Variants in MSRA observed in about 807,000 individuals in gnomAD.
MSRA encodes the protein mitochondrial peptide methionine sulfoxide reductase.
In MSRA, 54 loss-of-function variants were observed where a neutral mutation model predicts 31.3. That is an observed-to-expected ratio of 1.73 (90% CI 1.39 to 2.17). The LOEUF (loss-of-function observed/expected upper bound fraction) is 2.17. MSRA is among the 30% of genes most tolerant of loss of function. The probability of loss-of-function intolerance (pLI) is 0.00; values close to 1 mark genes in which losing one functional copy is unlikely to be tolerated. For synonymous variants in MSRA, 169 were observed against 116.5 expected, an observed-to-expected ratio of 1.45 and a Z score of -2.90; for missense variants, 507 against 300.9, an observed-to-expected ratio of 1.69 and a Z score of -5.07.
At chr8:10,270,527 C>G (rs1054197810) in intron 3 of MSRA, among the ~76,000 whole-genome samples, 2 of 152,080 alleles carry the variant, frequency 1.3e-5, no homozygotes, top group African/African-American at 4.8e-5. Flanking sequence ...AGCTTGACAG[C>G]AGTCATGCCC....
intron 1 of MSRA, among the ~76,000 whole-genome samples, chr8:10,196,507 C>G (rs1274235827): frequency 6.6e-6 from 1 of 152,072 alleles, no homozygotes. Flanking sequence ...AGCGAGGCCC[C>G]TACACGTCTT....
At chr8:10,161,432 A>G (rs970061105) in intron 1 of MSRA, among the ~76,000 whole-genome samples, 2 of 152,314 alleles carry the variant, frequency 1.3e-5, no homozygotes, top group East Asian at 3.9e-4. Context: ...TACCCTGTGC[A>G]AAGGCCCAAC....
intron 5 of MSRA, among the ~76,000 whole-genome samples, chr8:10,376,977 T>C (rs190679898): frequency 7.2e-5 from 11 of 152,324 alleles, no homozygotes; most frequent in African/African-American, 2.6e-4. Context: ...GACTGAATGT[T>C]AGCCCAGATT....
At chr8:10,055,040 C>G (rs551126316) in intron 1 of MSRA, among the ~76,000 whole-genome samples, 1 of 152,232 alleles carries the variant, frequency 6.6e-6, no homozygotes, top group Admixed American at 6.5e-5. Flanking sequence ...CTTGTCTCCT[C>G]TGCGCCGGCC....
intron 5 of MSRA, among the ~76,000 whole-genome samples, chr8:10,358,651 G>C (rs1235367916): frequency 7.8e-6 from 1 of 128,318 alleles, no homozygotes; most frequent in Non-Finnish European, 1.6e-5. Context: ...GGAGTGCAGT[G>C]GCGGGATCTC....
intron 1 of MSRA, among the ~76,000 whole-genome samples, chr8:10,116,744 G>C (rs944825133): frequency 1.3e-5 from 2 of 152,140 alleles, no homozygotes; most frequent in East Asian, 1.9e-4. Context: ...GAGGCAGGCG[G>C]ATCACCTGAG....
intron 5 of MSRA, among the ~76,000 whole-genome samples, chr8:10,362,173 C>T (rs1049863411): frequency 6.6e-6 from 1 of 152,150 alleles, no homozygotes; most frequent in Admixed American, 6.5e-5. Context: ...AAAATCTCTG[C>T]ACCACTGAGT....
intron 1 of MSRA, among the ~76,000 whole-genome samples, chr8:10,173,960 C>A (rs1805822320): frequency 2.0e-5 from 3 of 152,170 alleles, no homozygotes. Flanking sequence ...TCAGCATCCA[C>A]ATTGAGGTGG....
At chr8:10,319,270 C>G (rs187068461) in intron 4 of MSRA, among the ~76,000 whole-genome samples, 1 of 152,128 alleles carries the variant, frequency 6.6e-6, no homozygotes, top group African/African-American at 2.4e-5. Flanking sequence ...GGCAACCCTG[C>G]GGCTGTTTCA....
chr8:10,106,566 C>T (rs1799897060), intron 1 of MSRA, among the ~76,000 whole-genome samples: 1 of 152,176 alleles, frequency 6.6e-6, no homozygotes, highest in Non-Finnish European at 1.5e-5. Context: ...CTGGCAGACA[C>T]ACACACCACA....
chr8:10,161,966 C>G (rs1212734964), intron 1 of MSRA, among the ~76,000 whole-genome samples: 2 of 152,228 alleles, frequency 1.3e-5, no homozygotes, highest in Non-Finnish European at 2.9e-5. Context: ...CAAGAGCGCA[C>G]TGCATGGTCC....
intron 5 of MSRA, among the ~76,000 whole-genome samples, chr8:10,393,428 C>G (rs573788588): frequency 9.9e-5 from 15 of 152,284 alleles, no homozygotes; most frequent in Middle Eastern, 6.8e-3. Context: ...GGCCTATATT[C>G]TAGGCAATAA....
intron 1 of MSRA, among the ~76,000 whole-genome samples, chr8:10,132,173 C>G (rs996468656): frequency 6.6e-6 from 1 of 152,162 alleles, no homozygotes; most frequent in African/African-American, 2.4e-5. Context: ...TGATATTGGT[C>G]CTGATCGTTC....
chr8:10,234,339 C>T (rs994578135), intron 2 of MSRA, among the ~76,000 whole-genome samples: 3 of 152,038 alleles, frequency 2.0e-5, no homozygotes, highest in African/African-American at 7.2e-5. Context: ...AGAGATTGTT[C>T]AGTGTGGCGG....
rs529822586 is a variant in MSRA, at chr8:10,076,146, AGTC to A, written c.142+21490_142+21492del. Among the ~76,000 whole-genome samples, 11 of 152,340 alleles carry A rather than the reference AGTC, an allele frequency of 7.2e-5. No individual in the cohort carries two copies. The South Asian group carries it at 2.3e-3, about 32-fold the overall frequency. ...CAGTTTTCTCATTTGTAAAACAGAC[AGTC>A]GCTATTTCTGGGAATAGATGAGATA... is the stretch of plus-strand genomic sequence containing the variant. On this transcript the variant is annotated intron_variant, in intron 1 of 5. Transcript: ENST00000317173.
intron 1 of MSRA, among the ~76,000 whole-genome samples, chr8:10,178,865 G>A (rs1435718154): frequency 2.0e-5 from 3 of 152,152 alleles, no homozygotes; most frequent in Admixed American, 6.6e-5. Flanking sequence ...CTACAGGATG[G>A]CACCAGAATC....
intron 1 of MSRA, among the ~76,000 whole-genome samples, chr8:10,068,416 C>G (rs1166140638): frequency 1.3e-5 from 2 of 152,144 alleles, no homozygotes; most frequent in Non-Finnish European, 2.9e-5. Flanking sequence ...TAGATTTTCT[C>G]CTGTGTTATC....
chr8:10,113,654 A>T (rs1013994737), intron 1 of MSRA, among the ~76,000 whole-genome samples: 1 of 151,892 alleles, frequency 6.6e-6, no homozygotes, highest in African/African-American at 2.4e-5. Context: ...GAAATGTGGG[A>T]GGCTGGTTGG....
chr8:10,421,491 A>G (rs1334460855), intron 5 of MSRA, among the ~76,000 whole-genome samples: 1 of 151,464 alleles, frequency 6.6e-6, no homozygotes, highest in East Asian at 2.0e-4. Context: ...TGCATTTCCC[A>G]GGGTGGTATG....
Sources: allele counts gnomAD v4.1 joint callset (sites outside exome capture counted in the v4.1 genomes callset), GRCh38; gene constraint gnomAD v4.1.1; transcripts MANE v1.5; gene names NCBI Gene and HGNC (gene_info 2026-07-23, HGNC 2026-07-21).